The following BAZ2A variants were observed in gnomAD, a reference collection of about 807,000 sequenced individuals.
BAZ2A encodes bromodomain adjacent to zinc finger domain protein 2A.
A neutral mutation model predicts 199.9 loss-of-function variants in BAZ2A; 34 were observed. The ratio of observed to expected loss-of-function variants is 0.17; its 90% confidence interval spans 0.13 to 0.23. The LOEUF (loss-of-function observed/expected upper bound fraction) is 0.23, where lower values mean the gene tolerates loss of function less well. BAZ2A is among the 10% of genes least tolerant of loss of function. The pLI, the probability that BAZ2A is intolerant of heterozygous loss-of-function variation, is 1.00. For missense variants in BAZ2A, 2,002 were observed against 2,391.1 expected (o/e 0.84, Z 3.39); for synonymous variants, 857 against 883.9 (o/e 0.97, Z 0.54).
chr12:56,599,741 G>A lies in BAZ2A; in HGVS notation c.5133C>T (p.Val1711=). Residue 1711 remains valine (V), a synonymous_variant, in exon 26 of 29, where the codon GTC becomes GTT. Coordinates refer to ENST00000549884, the MANE Select transcript of BAZ2A (RefSeq NM_001300905.2). ...IYCHRPKMEA[V]PEGDWFCTVC... Reference sequence around the variant, plus strand: ...CAGTACAGAACCAATCTCCTTCTGGGACAGCCTCCATCTTGGGACGATGGC... The same window carrying A: ...CAGTACAGAACCAATCTCCTTCTGGAACAGCCTCCATCTTGGGACGATGGC... 1.2e-6 allele frequency: 2 copies of A among 1,613,962 alleles called. No individual in the cohort carries two copies. Among genetic ancestry groups the A allele is most frequent in the Non-Finnish European group, 1.7e-6 (2 of 1,179,900 alleles).
chr12:56,633,230 G>A (rs1951361169), upstream of BAZ2A, among the ~76,000 whole-genome samples: 1 of 152,148 alleles, frequency 6.6e-6, no homozygotes, highest in South Asian at 2.1e-4. Context: ...GTAGCCAGAT[G>A]GCTAGGGCTG....
chr12:56,614,928 G>T, intron 3 of BAZ2A, 86 bp downstream of exon 3: 1 of 1,360,508 alleles, frequency 7.4e-7, no homozygotes, highest in Non-Finnish European at 1.0e-6. Context: ...GAGCTGGAAA[G>T]ACAAGTTTTT....
rs945630741 is a variant in BAZ2A at position 56,599,253 on chromosome 12, G to C, written c.5278C>G (p.Arg1760Gly). ...CTTTCTCGGCCCCTCAACAGTACCC[G>C]GCGTCGGCGGCCATCACCCTCTGAG... ...NFSEGDGRRR[R>G]VLLRGRESPA... The change falls in exon 27 of 29, where the codon CGG (arginine) becomes GGG (glycine). Residue 1760 changes from arginine to glycine, a missense_variant. This residue lies in a region of BAZ2A where 122 missense variants were observed against 123.0 expected (regional missense o/e 0.99). Transcript: ENST00000549884. 1 of 1,612,974 alleles carries C rather than the reference G, an allele frequency of 6.2e-7. No homozygotes were observed. The highest frequency in any genetic ancestry group is 8.5e-7 in the Non-Finnish European group (1 of 1,179,710).
At chr12:56,631,450 CAAAA>C (rs529753732), upstream of BAZ2A, among the ~76,000 whole-genome samples, 8 of 81,588 alleles carry the variant, frequency 9.8e-5, no homozygotes, top group African/African-American at 9.2e-5. Context: ...GACTCTATCT[CAAAA>C]AAAAAAAAAA....
chr12:56,600,499 A>G lies in BAZ2A; in HGVS notation c.4603-9T>C, dbSNP rs1179383249. ...CTAGGACATGTCCAGCCCTTCAGTTAAGAGAGAGGAATAAAACTCACTGTA... is the reference window on the plus strand; with the variant it reads ...CTAGGACATGTCCAGCCCTTCAGTTGAGAGAGAGGAATAAAACTCACTGTA... On this transcript the variant is annotated splice_polypyrimidine_tract_variant and intron_variant, in intron 23 of 28. Transcript: ENST00000549884. 3 of 1,609,360 alleles carry G rather than the reference A, an allele frequency of 1.9e-6. No homozygotes were observed. Among genetic ancestry groups the G allele is most frequent in the Non-Finnish European group, 2.5e-6 (3 of 1,177,328 alleles).
chr12:56,615,794 A>G (rs1950698548), intron 2 of BAZ2A, among the ~76,000 whole-genome samples, 187 bp from the exon 3 acceptor site: 1 of 152,172 alleles, frequency 6.6e-6, no homozygotes, highest in Non-Finnish European at 1.5e-5. Flanking sequence ...ATGTAGGTTT[A>G]GCAACTGCTG....
chr12:56,630,348 G>T, upstream of BAZ2A: 2 of 905,002 alleles, frequency 2.2e-6, no homozygotes, highest in South Asian at 5.1e-5. Context: ...GGAGGGGGCG[G>T]AGAAGCCTCG....
In BAZ2A at chr12:56,598,446, G is replaced by A. The variant is rs1886055144; in HGVS notation, c.*172C>T. ...TTGAGGAGCAAGAGGAGGGAAGGGA[G>A]AAAGGGATGTAGGAATAAGAGGATG... On this transcript the variant is annotated 3_prime_UTR_variant, in exon 29 of 29. Transcript: ENST00000549884. 2 of 792,720 alleles carry A rather than the reference G, an allele frequency of 2.5e-6. No homozygotes were observed. The highest frequency in any genetic ancestry group is 3.7e-5 in the South Asian group (2 of 53,672). 49.1% of individuals were successfully genotyped at this position (792,720 alleles called of 1,614,324 possible). A position where few individuals can be genotyped will look rare whatever the true frequency, so the allele number is the denominator to read the frequency against.
intron 1 of BAZ2A, among the ~76,000 whole-genome samples, chr12:56,620,537 A>C (rs187488855): frequency 6.5e-4 from 98 of 151,154 alleles, no homozygotes; most frequent in Admixed American, 7.2e-4. Context: ...CAAACAAACA[A>C]AACACACAGG....
intron 3 of BAZ2A, 110 bp downstream of exon 3, chr12:56,614,904 G>A (rs1339897266): frequency 8.8e-7 from 1 of 1,135,310 alleles, no homozygotes; most frequent in Non-Finnish European, 1.3e-6. Flanking sequence ...ATGCAAATCA[G>A]CCTCCACTGC....
rs778051663 is a variant in BAZ2A at position 56,604,336 on chromosome 12, G to A, written c.2964-45C>T. On this transcript the variant is annotated intron_variant, in intron 15 of 28. Transcript: ENST00000549884. ...AGGATGAAGTGGCAGCACAAAAAAA[G>A]GGAAAGGAGGCTCAAGGGTAAAGGG... 5 of 1,551,836 alleles carry A rather than the reference G, an allele frequency of 3.2e-6. No homozygotes were observed. The Admixed American group carries it at 9.2e-5, about 29-fold the overall frequency.
At chr12:56,634,859 C>A (rs370049506), upstream of BAZ2A, 34 of 965,382 alleles carry the variant, frequency 3.5e-5, no homozygotes, top group East Asian at 3.8e-3. Context: ...ATCCCGAATC[C>A]CGGGGCAGCA....
intron 10 of BAZ2A, among the ~76,000 whole-genome samples, chr12:56,609,338 T>C (rs916651976): frequency 3.3e-5 from 5 of 152,142 alleles, no homozygotes; most frequent in African/African-American, 9.7e-5. Context: ...CACACCACCA[T>C]GCCTGGCTCC....
intron 23 of BAZ2A, 30 bp from the exon 24 acceptor site, chr12:56,600,520 C>T: frequency 6.3e-7 from 1 of 1,587,750 alleles, no homozygotes. Context: ...ATAAAACTCA[C>T]TGTAAAAGGA....
intron 10 of BAZ2A, among the ~76,000 whole-genome samples, chr12:56,607,789 T>C (rs1311045184): frequency 2.0e-5 from 3 of 152,130 alleles, no homozygotes; most frequent in African/African-American, 7.2e-5. Flanking sequence ...TTGATTAAAA[T>C]ATGAGACTTA....
chr12:56,619,358 A>G (rs1950831698), intron 1 of BAZ2A, among the ~76,000 whole-genome samples: 1 of 151,232 alleles, frequency 6.6e-6, no homozygotes, highest in Non-Finnish European at 1.5e-5. Flanking sequence ...AAAAAAAAAA[A>G]GGAGCAGGGT....
At position 56,606,374 on chromosome 12, in the gene BAZ2A, G is replaced by A; in HGVS notation, c.2194-62C>T. ...CTGAAAGCATCTCTGCTTGGGCTAG[G>A]ATTCAAAAACAGACAAGGGTGCTGG... is the stretch of plus-strand genomic sequence containing the variant. On this transcript the variant is annotated intron_variant, in intron 11 of 28. Coordinates refer to ENST00000549884, the MANE Select transcript of BAZ2A (RefSeq NM_001300905.2). The A allele has an allele frequency of 1.9e-6, 3 of 1,594,132 alleles. No individual in the cohort carries two copies. In the South Asian group the frequency reaches 3.3e-5, roughly 18 times the overall value.
intron 1 of BAZ2A, among the ~76,000 whole-genome samples, chr12:56,628,202 C>T (rs61939892): frequency 2.8e-5 from 3 of 106,150 alleles, no homozygotes; most frequent in Non-Finnish European, 6.1e-5. Context: ...AAAAAAAAGA[C>T]AGAAAGAAAA....
intron 1 of BAZ2A, among the ~76,000 whole-genome samples, chr12:56,627,405 G>A (rs1276348936): frequency 6.6e-6 from 1 of 150,464 alleles, no homozygotes; most frequent in South Asian, 2.1e-4. Context: ...GGCGAGGGTT[G>A]CAGTGAGTCC....
Sources: gnomAD v4.1 joint callset for allele counts (sites outside exome capture counted in the v4.1 genomes callset) on GRCh38, gnomAD v4.1.1 for gene constraint, gnomAD v4.1.1 regional missense constraint, MANE v1.5 for transcripts, NCBI Gene and HGNC (gene_info 2026-07-23, HGNC 2026-07-21) for gene names.